The following ST8SIA6 variants were observed in gnomAD, a reference collection of about 807,000 sequenced individuals.
ST8SIA6 encodes the protein alpha-2,8-sialyltransferase 8F.
A neutral mutation model predicts 33.6 loss-of-function variants in ST8SIA6; 39 were observed. The observed-to-expected ratio is 1.16, with a 90% CI of 0.90 to 1.52. The LOEUF is 1.52. Among genes scored for constraint, ST8SIA6 ranks in the 40% most tolerant of loss-of-function variants. The pLI is 0.00. For synonymous variants in ST8SIA6, 172 were observed against 167.2 expected (o/e 1.03, Z -0.22); for missense variants, 441 against 443.8 (o/e 0.99, Z 0.06).
intron 2 of ST8SIA6, among the ~76,000 whole-genome samples, chr10:17,436,570 T>TAA (rs1223066677): frequency 3.7e-5 from 5 of 136,408 alleles, no homozygotes; most frequent in Non-Finnish European, 6.2e-5. Flanking sequence ...CCCCATCCTG[T>TAA]GTCCAAGTGT....
intron 4 of ST8SIA6, among the ~76,000 whole-genome samples, chr10:17,338,127 C>T (rs1451031328): frequency 2.6e-5 from 4 of 151,514 alleles, no homozygotes; most frequent in East Asian, 1.9e-4. Context: ...CTCCACCTCC[C>T]GGGTTCAATT....
chr10:17,349,725 C>A (rs901000370), intron 4 of ST8SIA6, among the ~76,000 whole-genome samples: 1 of 151,998 alleles, frequency 6.6e-6, no homozygotes, highest in Non-Finnish European at 1.5e-5. Context: ...CAAGAAACAT[C>A]AATAATAAAA....
intron 3 of ST8SIA6, among the ~76,000 whole-genome samples, chr10:17,388,067 GGGT>G (rs974900665): frequency 4.6e-5 from 7 of 152,218 alleles, no homozygotes; most frequent in Admixed American, 1.3e-4. Context: ...GGGACATCAA[GGGT>G]GGACACCCCA....
chr10:17,351,356 T>G (rs1849022748), intron 4 of ST8SIA6, among the ~76,000 whole-genome samples: 1 of 151,554 alleles, frequency 6.6e-6, no homozygotes, highest in African/African-American at 2.4e-5. Context: ...CCTCTACCTC[T>G]TCATTTGTTA....
At chr10:17,423,518 T>C (rs1355378304) in intron 2 of ST8SIA6, among the ~76,000 whole-genome samples, 1 of 152,198 alleles carries the variant, frequency 6.6e-6, no homozygotes, top group Non-Finnish European at 1.5e-5. Flanking sequence ...AATATACTTT[T>C]TAATAAATTA....
intron 3 of ST8SIA6, among the ~76,000 whole-genome samples, chr10:17,364,928 G>GT (rs1356235251): frequency 6.6e-6 from 1 of 152,198 alleles, no homozygotes; most frequent in Non-Finnish European, 1.5e-5. Context: ...AAAACTGAAA[G>GT]TTCTGAGAAG....
intron 2 of ST8SIA6, among the ~76,000 whole-genome samples, chr10:17,448,816 G>T (rs1474825539): frequency 4.1e-5 from 6 of 147,282 alleles, no homozygotes; most frequent in Non-Finnish European, 9.0e-5. Context: ...TTAGAGACAG[G>T]GTTTCACCAT....
At chr10:17,331,620 T>C (rs1422823409) in intron 4 of ST8SIA6, 68 bp from the exon 5 acceptor site, 7 of 1,458,224 alleles carry the variant, frequency 4.8e-6, no homozygotes, top group East Asian at 4.8e-5. Flanking sequence ...CAGACCACGA[T>C]GGACAATGCC....
intron 4 of ST8SIA6, among the ~76,000 whole-genome samples, chr10:17,354,570 T>C (rs1214763771): frequency 1.3e-5 from 2 of 152,204 alleles, no homozygotes; most frequent in African/African-American, 4.8e-5. Flanking sequence ...CTTAAATCTC[T>C]CTTTAACTGA....
At chr10:17,410,707 G>A (rs1295803827) in intron 2 of ST8SIA6, 1 of 152,142 alleles carries the variant, frequency 6.6e-6, no homozygotes, top group Admixed American at 6.6e-5. Context: ...GAGTGGATCA[G>A]ATGGAAAAAC....
At position 17,327,114 on chromosome 10, in the gene ST8SIA6, CA is replaced by C; in HGVS notation, c.534del (p.Phe178LeufsTer18). The C allele has an allele frequency of 6.2e-7, 1 of 1,600,156 alleles. No individual in the cohort carries two copies. Among genetic ancestry groups the C allele is most frequent in the Non-Finnish European group, 8.5e-7 (1 of 1,174,896 alleles). ...GCACACTGATTATAAGGGTAGTCCA[CA>C]AAAGGCTGGGACTAGCAGGAGAAAG... is the stretch of plus-strand genomic sequence containing the variant. ...IFHMFPVSQP[F>X]VDYPYNQCAV... On this transcript the variant is annotated frameshift_variant, in exon 6 of 8. Coordinates refer to ENST00000377602, the MANE Select transcript of ST8SIA6 (RefSeq NM_001004470.3). LOFTEE classifies it high-confidence loss of function.
chr10:17,380,092 G>A (rs1049394945), intron 3 of ST8SIA6, among the ~76,000 whole-genome samples: 2 of 152,110 alleles, frequency 1.3e-5, no homozygotes, highest in African/African-American at 4.8e-5. Context: ...CTCCTTTTTG[G>A]GGGGACTTTA....
chr10:17,352,571 A>G (rs571416567), intron 4 of ST8SIA6, among the ~76,000 whole-genome samples: 4 of 152,288 alleles, frequency 2.6e-5, no homozygotes, highest in African/African-American at 9.6e-5. Context: ...AAGGGAGCGT[A>G]TTTGACATGT....
rs183857957 is a variant in ST8SIA6 at position 17,363,779 on chromosome 10, C to A, written c.291-4179G>T. 4.6e-5 allele frequency among the ~76,000 whole-genome samples: 7 copies of A among 152,238 alleles called. No homozygotes were observed. The East Asian group carries it at 9.7e-4, about 21-fold the overall frequency. ...ACAAATCAGGTTTCTCTGCTTCCCC[C>A]CTCCACCCAAGCTGATAGTAAAACA... On this transcript the variant is annotated intron_variant, in intron 3 of 7. Coordinates refer to ENST00000377602, the MANE Select transcript of ST8SIA6 (RefSeq NM_001004470.3).
At chr10:17,411,008 C>G (rs1289907320) in intron 2 of ST8SIA6, among the ~76,000 whole-genome samples, 3 of 152,070 alleles carry the variant, frequency 2.0e-5, no homozygotes, top group African/African-American at 7.2e-5. Context: ...TGAAGCGATA[C>G]AATTACAGAT....
intron 2 of ST8SIA6, among the ~76,000 whole-genome samples, chr10:17,425,177 T>C (rs942437668): frequency 2.6e-5 from 4 of 152,298 alleles, no homozygotes; most frequent in African/African-American, 9.6e-5. Context: ...TTTATATATA[T>C]ATTTATTTAC....
chr10:17,316,311 C>T lies in ST8SIA6; in HGVS notation c.*4567G>A, dbSNP rs1163200046. Among the ~76,000 whole-genome samples, 3 of 151,990 alleles carry T rather than the reference C, an allele frequency of 2.0e-5. No individual in the cohort carries two copies. The highest frequency in any genetic ancestry group is 2.0e-4 in the Admixed American group (3 of 15,246). On this transcript the variant is annotated 3_prime_UTR_variant, in exon 8 of 8. Transcript: ENST00000377602. ...CTTTATGCTAAATTTAAAGGACATACCCTTATTTCTGTATATATGTCCAGT... is the reference window on the plus strand; with the variant it reads ...CTTTATGCTAAATTTAAAGGACATATCCTTATTTCTGTATATATGTCCAGT...
chr10:17,423,932 A>G (rs1387076977), intron 2 of ST8SIA6, among the ~76,000 whole-genome samples: 1 of 152,190 alleles, frequency 6.6e-6, no homozygotes, highest in African/African-American at 2.4e-5. Flanking sequence ...CAGTTATTGC[A>G]AAATTATCCC....
At chr10:17,394,921 A>G (rs748149261) in intron 2 of ST8SIA6, among the ~76,000 whole-genome samples, 20 of 152,204 alleles carry the variant, frequency 1.3e-4, no homozygotes, top group Non-Finnish European at 4.4e-5. Context: ...CACAAGAGAT[A>G]GCTGCAAGAC....
Sources: gnomAD v4.1 joint callset for allele counts (sites outside exome capture counted in the v4.1 genomes callset) on GRCh38, gnomAD v4.1.1 for gene constraint, MANE v1.5 for transcripts, NCBI Gene and HGNC (gene_info 2026-07-23, HGNC 2026-07-21) for gene names.